FAM110B: variants seen among roughly 807,000 people sequenced by gnomAD.
FAM110B encodes protein FAM110B.
Under a neutral mutation model 20.4 loss-of-function variants are expected in FAM110B, and 6 were observed. The ratio of observed to expected loss-of-function variants is 0.29; its 90% CI spans 0.16 to 0.58. The LOEUF is 0.58. Ranked by LOEUF, FAM110B falls within the 20% of genes least tolerant of loss-of-function variation. FAM110B has a pLI of 0.90. For synonymous variants in FAM110B, 226 were observed against 214.1 expected, an observed-to-expected ratio of 1.06 and a Z score of -0.49; for missense variants, 434 against 498.2, an observed-to-expected ratio of 0.87 and a Z score of 1.23.
chr8:58,146,703 C>A lies in FAM110B; in HGVS notation c.473C>A (p.Ser158Tyr). The A allele has an allele frequency of 6.2e-7, 1 of 1,612,460 alleles. No individual in the cohort carries two copies. Among genetic ancestry groups the A allele is most frequent in the Non-Finnish European group, 8.5e-7 (1 of 1,179,430 alleles). Residue 158 changes from serine to tyrosine, a missense_variant, in exon 4 of 4, where the codon TCC (serine) becomes TAC (tyrosine). This residue lies in a region of FAM110B where 284 missense variants were observed against 278.3 expected (regional missense o/e 1.02). Transcript: ENST00000519262. ...RSEATDLHRH[S>Y]FAESLKVYPT... ...GAAGCCACTGACCTGCACCGTCACT[C>A]CTTCGCGGAGTCCCTGAAGGTCTAC...
chr8:58,010,667 C>T (rs182411846), intron 1 of FAM110B, among the ~76,000 whole-genome samples: 4 of 152,236 alleles, frequency 2.6e-5, no homozygotes, highest in East Asian at 3.9e-4. Context: ...CCTGTGGTAG[C>T]GCACCATTAG....
At chr8:58,141,708 G>T (rs781593343) in intron 3 of FAM110B, among the ~76,000 whole-genome samples, 3 of 152,176 alleles carry the variant, frequency 2.0e-5, no homozygotes, top group Non-Finnish European at 4.4e-5. Flanking sequence ...CCCAAATGTG[G>T]CCAACAGTGT....
intron 2 of FAM110B, among the ~76,000 whole-genome samples, chr8:58,069,436 C>A (rs1805841796): frequency 6.6e-6 from 1 of 152,192 alleles, no homozygotes; most frequent in South Asian, 2.1e-4. Flanking sequence ...AGAACTGTAA[C>A]CCCGGCAGTC....
chr8:58,135,027 A>G (rs1411812923), intron 3 of FAM110B, among the ~76,000 whole-genome samples: 2 of 152,220 alleles, frequency 1.3e-5, no homozygotes, highest in African/African-American at 4.8e-5. Flanking sequence ...AGCATTTAAA[A>G]ATACATTTGG....
chr8:58,041,634 A>G (rs1298131031), intron 2 of FAM110B, among the ~76,000 whole-genome samples: 1 of 152,202 alleles, frequency 6.6e-6, no homozygotes, highest in Non-Finnish European at 1.5e-5. Context: ...AGGTAAGCAC[A>G]CTACCCTGCA....
chr8:58,112,485 T>C (rs1394732767), intron 3 of FAM110B, among the ~76,000 whole-genome samples: 2 of 152,248 alleles, frequency 1.3e-5, no homozygotes, highest in Non-Finnish European at 2.9e-5. Flanking sequence ...AGTCTTTACC[T>C]TGAGCATATG....
intron 3 of FAM110B, among the ~76,000 whole-genome samples, chr8:58,114,895 C>T (rs898920867): frequency 1.3e-5 from 2 of 152,146 alleles, no homozygotes; most frequent in Admixed American, 6.5e-5. Flanking sequence ...ATCTCAGCCC[C>T]GTGTTGTGTT....
chr8:58,069,339 TA>T, intron 2 of FAM110B, among the ~76,000 whole-genome samples: 1 of 152,334 alleles, frequency 6.6e-6, no homozygotes, highest in African/African-American at 2.4e-5. Context: ...TCATTGGCAG[TA>T]ACTCTTCGAG....
intron 2 of FAM110B, among the ~76,000 whole-genome samples, chr8:58,042,615 A>C (rs543932253): frequency 2.0e-4 from 30 of 152,328 alleles, no homozygotes; most frequent in African/African-American, 6.7e-4. Context: ...GTGCACCATC[A>C]TGTGCCAGCA....
chr8:58,062,367 A>G (rs1186376977), intron 2 of FAM110B, among the ~76,000 whole-genome samples: 3 of 152,258 alleles, frequency 2.0e-5, no homozygotes, highest in Non-Finnish European at 4.4e-5. Flanking sequence ...CATACTTTAT[A>G]GTACAGATGG....
intron 2 of FAM110B, among the ~76,000 whole-genome samples, chr8:58,053,758 A>G (rs1208675543): frequency 3.9e-5 from 6 of 152,222 alleles, no homozygotes; most frequent in Admixed American, 6.5e-5. Context: ...ATTTGGCTTA[A>G]CTTAAAATGT....
At chr8:58,063,858 T>A (rs1239030515) in intron 2 of FAM110B, among the ~76,000 whole-genome samples, 2 of 152,178 alleles carry the variant, frequency 1.3e-5, no homozygotes, top group Non-Finnish European at 1.5e-5. Flanking sequence ...CTTATAAAGG[T>A]GTATTAGTCT....
chr8:58,122,533 C>T (rs1380059746), intron 3 of FAM110B, among the ~76,000 whole-genome samples: 1 of 152,088 alleles, frequency 6.6e-6, no homozygotes, highest in African/African-American at 2.4e-5. Flanking sequence ...TTCTAGGACA[C>T]TTCTTTGATA....
intron 2 of FAM110B, among the ~76,000 whole-genome samples, chr8:58,046,297 G>A (rs1255450671): frequency 6.6e-6 from 1 of 152,108 alleles, no homozygotes; most frequent in Non-Finnish European, 1.5e-5. Flanking sequence ...TAACACAACT[G>A]TGAACTTTAA....
chr8:58,064,150 A>G (rs895210576), intron 2 of FAM110B, among the ~76,000 whole-genome samples: 14 of 152,188 alleles, frequency 9.2e-5, no homozygotes, highest in African/African-American at 3.4e-4. Context: ...CATTCATGCG[A>G]ACTCCACCCC....
chr8:58,072,873 G>A (rs1417696721), intron 2 of FAM110B, among the ~76,000 whole-genome samples: 2 of 152,330 alleles, frequency 1.3e-5, no homozygotes, highest in Admixed American at 6.5e-5. Context: ...GCTGAACAAG[G>A]TGTGGAAAAT....
At chr8:58,080,952 C>G (rs1806174432) in intron 3 of FAM110B, among the ~76,000 whole-genome samples, 2 of 152,120 alleles carry the variant, frequency 1.3e-5, no homozygotes, top group Admixed American at 1.3e-4. Context: ...CATCCTTGGT[C>G]AAAAAGAGAC....
chr8:58,116,042 C>CACAAAACAGATCAAGACTGCTTAAAT (rs1318970054), intron 3 of FAM110B, among the ~76,000 whole-genome samples: 1 of 152,016 alleles, frequency 6.6e-6, no homozygotes, highest in Non-Finnish European at 1.5e-5. Flanking sequence ...GAATGCAGAA[C>CACAAAACAGATCAAGACTGCTTAAAT]ACAAAACAGA....
rs116671261 is a variant in FAM110B, at chr8:58,003,980, A to G, written c.-512+9174A>G. 5.4e-3 allele frequency among the ~76,000 whole-genome samples: 814 copies of G among 152,146 alleles called. 5 individuals carry two copies. Among genetic ancestry groups the G allele is most frequent in the African/African-American group, 0.018 (755 of 41,512 alleles). ...TGAAAGTTTTGACCAGCAGTCCCCA[A>G]CATTTTTGGCACCAGGGACCAGTTT... On this transcript the variant is annotated intron_variant, in intron 1 of 3. Transcript: ENST00000519262.
Sources: allele counts gnomAD v4.1 joint callset (sites outside exome capture counted in the v4.1 genomes callset), GRCh38; gene constraint gnomAD v4.1.1; regional missense constraint gnomAD v4.1.1; transcripts MANE v1.5; gene names NCBI Gene and HGNC (gene_info 2026-07-23, HGNC 2026-07-21).